SLIT2: variants seen among roughly 807,000 people sequenced by gnomAD.
SLIT2 encodes slit guidance ligand 2.
A neutral mutation model predicts 185.7 loss-of-function variants in SLIT2; 41 were observed. That is an observed-to-expected ratio of 0.22 (90% CI 0.17 to 0.29). The LOEUF (loss-of-function observed/expected upper bound fraction) is 0.29, where lower values mean the gene tolerates loss of function less well. SLIT2 is among the 10% of genes least tolerant of loss of function. The pLI, the probability that SLIT2 is intolerant of heterozygous loss-of-function variation, is 1.00. For missense variants in SLIT2, 1,571 were observed against 1,909.0 expected, an observed-to-expected ratio of 0.82 and a Z score of 3.30; for synonymous variants, 693 against 680.2, an observed-to-expected ratio of 1.02 and a Z score of -0.29.
At chr4:20,547,723 T>A (rs1442976197) in intron 22 of SLIT2, among the ~76,000 whole-genome samples, 1 of 149,578 alleles carries the variant, frequency 6.7e-6, no homozygotes, top group Non-Finnish European at 1.5e-5. Flanking sequence ...TTTAATATAT[T>A]TTTTACATAT....
chr4:20,414,941 GTATT>G (rs908243175), intron 4 of SLIT2, among the ~76,000 whole-genome samples: 7 of 152,094 alleles, frequency 4.6e-5, no homozygotes, highest in African/African-American at 1.7e-4. Context: ...TTTTCAGCCA[GTATT>G]TATTTAAATA....
At chr4:20,319,793 C>A (rs1436999586) in intron 4 of SLIT2, among the ~76,000 whole-genome samples, 3 of 137,638 alleles carry the variant, frequency 2.2e-5, no homozygotes, top group African/African-American at 2.6e-5. Flanking sequence ...GGCTTTGGGC[C>A]AGCACTAAAA....
intron 10 of SLIT2, 128 bp from the exon 11 acceptor site, chr4:20,510,938 A>G: frequency 3.4e-6 from 2 of 580,076 alleles, no homozygotes; most frequent in Non-Finnish European, 3.1e-6. Context: ...TCAGATGTTC[A>G]ATGTTGCACG....
rs1711599278 is a variant in SLIT2 at position 20,254,804 on chromosome 4, AC to A, written c.179+814del. ...TGCCCCCTCCGGCCCTTCCTGCTGA[AC>A]CCCTGCGTCCCCATCCACCTTTCTG... On this transcript the variant is annotated intron_variant, in intron 1 of 36. Coordinates refer to ENST00000504154, the MANE Select transcript of SLIT2 (RefSeq NM_004787.4). This position sits in a 1 kb window ranked among gnomAD's most constrained non-coding sequence, Gnocchi z 5.1. The A allele has an allele frequency of 2.4e-6, 1 of 408,634 alleles. No individual in the cohort carries two copies. The highest frequency in any genetic ancestry group is 4.9e-6 in the Non-Finnish European group (1 of 203,178). The allele number at this position is 408,634 out of a possible 1,614,324, so 25.3% of individuals were successfully genotyped here. A position where few individuals can be genotyped will look rare whatever the true frequency, so the allele number is the denominator to read the frequency against.
chr4:20,316,493 T>C (rs1461757471), intron 4 of SLIT2, among the ~76,000 whole-genome samples: 1 of 151,908 alleles, frequency 6.6e-6, no homozygotes, highest in Non-Finnish European at 1.5e-5. Context: ...TCCCAGTATA[T>C]TTGGTCTTTA....
chr4:20,549,285 A>G (rs1409385278), intron 24 of SLIT2, among the ~76,000 whole-genome samples, 157 bp downstream of exon 24: 1 of 152,158 alleles, frequency 6.6e-6, no homozygotes, highest in Admixed American at 6.6e-5. Flanking sequence ...CATTTCTTAC[A>G]GTATCATTGT....
At chr4:20,285,767 C>G (rs1715206589) in intron 4 of SLIT2, among the ~76,000 whole-genome samples, 1 of 152,188 alleles carries the variant, frequency 6.6e-6, no homozygotes, top group African/African-American at 2.4e-5. Context: ...AGGCAGGTCT[C>G]AAACTCCTGG....
At position 20,346,370 on chromosome 4, in the gene SLIT2, A is replaced by T. The variant is rs1721412141; in HGVS notation, c.395+77489A>T. Among the ~76,000 whole-genome samples the T allele has an allele frequency of 2.6e-5, 4 of 152,168 alleles. No individual in the cohort carries two copies. In the South Asian group the frequency reaches 8.3e-4, roughly 31 times the overall value. Reference sequence around the variant, plus strand: ...GTATAGATACCAGTAGCATCCCTCAATTGTAACAATAAAAAATGTCTCCAG... The same window carrying T: ...GTATAGATACCAGTAGCATCCCTCATTTGTAACAATAAAAAATGTCTCCAG... On this transcript the variant is annotated intron_variant, in intron 4 of 36. Coordinates refer to ENST00000504154, the MANE Select transcript of SLIT2 (RefSeq NM_004787.4).
At chr4:20,347,054 G>A (rs910217277) in intron 4 of SLIT2, among the ~76,000 whole-genome samples, 1 of 152,194 alleles carries the variant, frequency 6.6e-6, no homozygotes. Context: ...TGATGAAGTT[G>A]ACACTCCGTA....
intron 11 of SLIT2, among the ~76,000 whole-genome samples, chr4:20,512,058 A>T (rs1366800512): frequency 6.6e-6 from 1 of 152,230 alleles, no homozygotes; most frequent in Admixed American, 6.5e-5. Flanking sequence ...CTTGTAAAAA[A>T]ATCTTCAGAA....
chr4:20,380,770 G>A (rs1241133894), intron 4 of SLIT2, among the ~76,000 whole-genome samples: 1 of 152,082 alleles, frequency 6.6e-6, no homozygotes. Context: ...TCTTCTGTGG[G>A]AAGATGTTAT....
intron 2 of SLIT2, 77 bp downstream of exon 2, chr4:20,256,820 GA>G: frequency 1.5e-6 from 1 of 675,628 alleles, no homozygotes; most frequent in Non-Finnish European, 2.6e-6. Flanking sequence ...CAGTTTTTAT[GA>G]CTATTCTGAT....
chr4:20,289,836 A>G (rs1173328940), intron 4 of SLIT2, among the ~76,000 whole-genome samples: 1 of 152,166 alleles, frequency 6.6e-6, no homozygotes, highest in South Asian at 2.1e-4. Context: ...GGGCTTTCCC[A>G]GTTTGTGACA....
intron 5 of SLIT2, among the ~76,000 whole-genome samples, chr4:20,476,436 A>G (rs1039192435): frequency 6.6e-6 from 1 of 152,150 alleles, no homozygotes; most frequent in African/African-American, 2.4e-5. Flanking sequence ...AATAATAATA[A>G]TACGAACATA....
intron 30 of SLIT2, among the ~76,000 whole-genome samples, chr4:20,594,305 G>A (rs900151066): frequency 8.0e-5 from 12 of 150,640 alleles, no homozygotes; most frequent in East Asian, 2.0e-4. Flanking sequence ...ATATATATAT[G>A]TGTGTGTATA....
chr4:20,568,213 T>C (rs1725264878), intron 28 of SLIT2, among the ~76,000 whole-genome samples: 1 of 152,098 alleles, frequency 6.6e-6, no homozygotes, highest in African/African-American at 2.4e-5. Context: ...CTAAAACTTG[T>C]TAGAATTTCA....
Position 20,569,669 on chromosome 4 carries a change from C to T in SLIT2, c.3088+665C>T, listed in dbSNP as rs950948366. 5.9e-5 allele frequency among the ~76,000 whole-genome samples: 9 copies of T among 151,514 alleles called. No individual in the cohort carries two copies. In the East Asian group the frequency reaches 9.7e-4, roughly 16 times the overall value. The stretch of plus-strand genomic sequence containing the variant: ...TTTTTATTTTTATTTTTTGTGGCTC[C>T]GAATTAGAAACTTCATAGATATGCT... On this transcript the variant is annotated intron_variant, in intron 29 of 36. Coordinates refer to ENST00000504154, the MANE Select transcript of SLIT2 (RefSeq NM_004787.4).
intron 24 of SLIT2, among the ~76,000 whole-genome samples, chr4:20,549,632 C>T (rs1479793110): frequency 6.6e-6 from 1 of 151,694 alleles, no homozygotes; most frequent in Non-Finnish European, 1.5e-5. Flanking sequence ...AGGCCCATGG[C>T]TATATAGCTT....
Position 20,401,886 on chromosome 4 carries a change from T to C in SLIT2, c.396-65866T>C, listed in dbSNP as rs149799632. Among the ~76,000 whole-genome samples, 721 of 152,072 alleles carry C rather than the reference T, an allele frequency of 4.7e-3. 4 individuals are homozygous for C. Among genetic ancestry groups the C allele is most frequent in the African/African-American group, 0.016 (681 of 41,526 alleles). On this transcript the variant is annotated intron_variant, in intron 4 of 36. Coordinates refer to ENST00000504154, the MANE Select transcript of SLIT2 (RefSeq NM_004787.4). Reference sequence around the variant, plus strand: ...ATAAATCTTAGTTTATAAAAATTATTGTTTTATCAGAGAGCGTTTTATGGC... The same window carrying C: ...ATAAATCTTAGTTTATAAAAATTATCGTTTTATCAGAGAGCGTTTTATGGC...
Sources: allele counts gnomAD v4.1 joint callset (sites outside exome capture counted in the v4.1 genomes callset), GRCh38; gene constraint gnomAD v4.1.1; non-coding constraint Gnocchi (gnomAD v3.1); transcripts MANE v1.5; gene names NCBI Gene and HGNC (gene_info 2026-07-23, HGNC 2026-07-21).